CSMD1: variants seen among roughly 807,000 people sequenced by gnomAD.
The protein encoded by CSMD1 is CUB and sushi domain-containing protein 1.
Under a neutral mutation model 417.5 loss-of-function variants are expected in CSMD1, and 213 were observed. That is an observed-to-expected ratio of 0.51 (90% CI 0.46 to 0.57). The LOEUF is 0.57. Among genes scored for constraint, CSMD1 ranks in the 20% least tolerant of loss-of-function variants. The pLI is 0.00. For synonymous variants in CSMD1, 2,862 were observed against 1,736.8 expected, an observed-to-expected ratio of 1.65 and a Z score of -16.11; for missense variants, 6,923 against 4,529.7, an observed-to-expected ratio of 1.53 and a Z score of -15.17.
chr8:3,406,131 A>G lies in CSMD1; in HGVS notation c.2162T>C (p.Phe721Ser). 1 of 1,613,902 alleles carries G rather than the reference A, an allele frequency of 6.2e-7. No homozygotes were observed. The highest frequency in any genetic ancestry group is 1.3e-5 in the African/African-American group (1 of 75,024). ...DRFLLGSSVS[F>S]HCDDGFVKTQ... is the part of the protein sequence containing the mutation. Reference sequence around the variant, plus strand: ...CTTGACAAAGCCATCATCACAGTGGAAAGAAACCGAGCTCCCGAGTAGAAA... The same window carrying G: ...CTTGACAAAGCCATCATCACAGTGGGAAGAAACCGAGCTCCCGAGTAGAAA... Residue 721 changes from phenylalanine to serine, a missense_variant, in exon 15 of 70, where the codon TTC becomes TCC. By Grantham distance (155) the Phe-to-Ser change is radical. Transcript: ENST00000635120.
chr8:3,988,403 T>C (rs960573835), intron 5 of CSMD1, among the ~76,000 whole-genome samples: 1 of 152,204 alleles, frequency 6.6e-6, no homozygotes, highest in Non-Finnish European at 1.5e-5. Context: ...TGATAATTAG[T>C]TATGGTTTTA....
rs75584610 is a variant in CSMD1, at chr8:3,546,871, G to A, written c.1344+28074C>T. Reference sequence around the variant, plus strand: ...AGGGAAGGTGAAATATTGGAAAAACGATGTTGCAAGGGAAACTGTGAAAAT... The same window carrying A: ...AGGGAAGGTGAAATATTGGAAAAACAATGTTGCAAGGGAAACTGTGAAAAT... On this transcript the variant is annotated intron_variant, in intron 10 of 69. Coordinates refer to ENST00000635120, the MANE Select transcript of CSMD1 (RefSeq NM_033225.6). Among the ~76,000 whole-genome samples, 5 of 152,294 alleles carry A rather than the reference G, an allele frequency of 3.3e-5. No individual in the cohort carries two copies. The East Asian group carries it at 5.8e-4, about 18-fold the overall frequency.
chr8:3,295,935 A>T (rs979047507), intron 25 of CSMD1, among the ~76,000 whole-genome samples: 1 of 152,092 alleles, frequency 6.6e-6, no homozygotes, highest in Non-Finnish European at 1.5e-5. Context: ...GGAACTTTGC[A>T]TACATCTGCC....
chr8:3,849,727 C>G (rs1389328046), intron 5 of CSMD1, among the ~76,000 whole-genome samples: 1 of 152,130 alleles, frequency 6.6e-6, no homozygotes, highest in Non-Finnish European at 1.5e-5. Context: ...AGGGTGTAAA[C>G]TCAATCTTTA....
intron 1 of CSMD1, among the ~76,000 whole-genome samples, chr8:4,929,755 G>A (rs1049652801): frequency 4.6e-5 from 7 of 152,224 alleles, no homozygotes; most frequent in East Asian, 1.9e-4. Flanking sequence ...CTAAGCCATG[G>A]TTATTATAAG....
chr8:4,411,912 T>C (rs1318885481), intron 3 of CSMD1, among the ~76,000 whole-genome samples: 2 of 152,024 alleles, frequency 1.3e-5, no homozygotes, highest in Non-Finnish European at 2.9e-5. Flanking sequence ...TCAATACACA[T>C]AGGACTAAAA....
chr8:4,846,712 A>G (rs1801167881), intron 1 of CSMD1, among the ~76,000 whole-genome samples: 1 of 152,226 alleles, frequency 6.6e-6, no homozygotes, highest in Non-Finnish European at 1.5e-5. Flanking sequence ...CCCATTTTAG[A>G]TTAAAATCTT....
intron 3 of CSMD1, among the ~76,000 whole-genome samples, chr8:4,367,979 G>A (rs981290804): frequency 2.6e-5 from 4 of 151,936 alleles, no homozygotes; most frequent in East Asian, 3.9e-4. Context: ...TCTAGGTATA[G>A]AGTTACATTG....
intron 3 of CSMD1, among the ~76,000 whole-genome samples, chr8:4,268,934 C>G (rs962514264): frequency 6.6e-6 from 1 of 152,186 alleles, no homozygotes; most frequent in Non-Finnish European, 1.5e-5. Context: ...TGGAGAATTA[C>G]AATTACTTTC....
rs1021131686 is a variant in CSMD1 at position 4,688,271 on chromosome 8, C to T, written c.86-50713G>A. On this transcript the variant is annotated intron_variant, in intron 1 of 69. Transcript: ENST00000635120. ...TACAAATTTCAATATGTATATTGATCTAACATAATGAATCTATGTCAAAAA... is the reference window on the plus strand; with the variant it reads ...TACAAATTTCAATATGTATATTGATTTAACATAATGAATCTATGTCAAAAA... Among the ~76,000 whole-genome samples, 27 of 152,090 alleles carry T rather than the reference C, an allele frequency of 1.8e-4. 1 individual carries two copies. The highest frequency in any genetic ancestry group is 3.8e-4 in the Non-Finnish European group (26 of 68,032).
chr8:3,369,322 G>C lies in CSMD1; in HGVS notation c.2831C>G (p.Pro944Arg). 1 of 1,607,488 alleles carries C rather than the reference G, an allele frequency of 6.2e-7. No homozygotes were observed. The highest frequency in any genetic ancestry group is 8.5e-7 in the Non-Finnish European group (1 of 1,174,424). ...IQGKSGTVLS[P>R]GFPDFYPNSL... is the part of the protein sequence containing the mutation. The stretch of plus-strand genomic sequence containing the variant: ...GTTTGGATAAAAATCTGGAAACCCA[G>C]GAGAAAGGACTGTTCCACTCTTCCC... The change falls in exon 19 of 70, where the codon CCT becomes CGT. Residue 944 changes from proline (P) to arginine (R), a missense_variant. Transcript: ENST00000635120.
chr8:3,668,096 C>A lies in CSMD1; in HGVS notation c.1009+40318G>T, dbSNP rs531450840. Among the ~76,000 whole-genome samples, 6 of 152,246 alleles carry A rather than the reference C, an allele frequency of 3.9e-5. No individual in the cohort carries two copies. The East Asian group carries it at 7.8e-4, about 20-fold the overall frequency. On this transcript the variant is annotated intron_variant, in intron 7 of 69. Transcript: ENST00000635120. ...CAGGTGCAGTCATTCTACCCCTGGG[C>A]TAGAAGGCAATGGGGAGAGAGCGTT...
intron 52 of CSMD1, among the ~76,000 whole-genome samples, chr8:3,010,082 C>A (rs562102018): frequency 6.6e-6 from 1 of 152,186 alleles, no homozygotes. Context: ...GCCGGTGTCA[C>A]GTCTTTCTGT....
intron 5 of CSMD1, among the ~76,000 whole-genome samples, chr8:3,778,509 C>A (rs913676733): frequency 6.6e-6 from 1 of 152,350 alleles, no homozygotes; most frequent in East Asian, 1.9e-4. Flanking sequence ...CCCATCCCTA[C>A]CTTCTACAAG....
chr8:4,303,588 C>T (rs1798097446), intron 3 of CSMD1, among the ~76,000 whole-genome samples: 1 of 151,974 alleles, frequency 6.6e-6, no homozygotes, highest in Non-Finnish European at 1.5e-5. Flanking sequence ...GACTGTGTGG[C>T]ACCTTCTGGA....
chr8:4,197,795 C>T (rs1467975851), intron 3 of CSMD1, among the ~76,000 whole-genome samples: 2 of 152,084 alleles, frequency 1.3e-5, no homozygotes, highest in South Asian at 2.1e-4. Flanking sequence ...GGGAGGATTG[C>T]TTGAACCCAG....
intron 10 of CSMD1, among the ~76,000 whole-genome samples, chr8:3,535,120 T>C (rs75101910): frequency 0.046 from 6,962 of 151,832 alleles, 235 homozygotes; most frequent in Non-Finnish European, 0.065. Context: ...CTAATATTTT[T>C]TTTTTTTAAT....
At chr8:3,051,963 T>G (rs906750982) in intron 50 of CSMD1, among the ~76,000 whole-genome samples, 1 of 152,186 alleles carries the variant, frequency 6.6e-6, no homozygotes, top group African/African-American at 2.4e-5. Flanking sequence ...TTACCCCACT[T>G]CACAAATCAA....
intron 41 of CSMD1, among the ~76,000 whole-genome samples, chr8:3,126,530 G>C (rs1817520727): frequency 6.6e-6 from 1 of 152,074 alleles, no homozygotes; most frequent in Admixed American, 6.6e-5. Flanking sequence ...GATCCATCTG[G>C]GGTCTCAGTA....
Sources: gnomAD v4.1 joint callset for allele counts (sites outside exome capture counted in the v4.1 genomes callset) on GRCh38, gnomAD v4.1.1 for gene constraint, MANE v1.5 for transcripts, NCBI Gene and HGNC (gene_info 2026-07-23, HGNC 2026-07-21) for gene names.